The following PGBD5 variants were observed in gnomAD, a reference collection of about 807,000 sequenced individuals.
The protein encoded by PGBD5 is piggyBac transposable element derived 5.
Under a neutral mutation model 47.9 loss-of-function variants are expected in PGBD5, and 14 were observed. The observed-to-expected ratio is 0.29, with a 90% confidence interval of 0.19 to 0.46. The LOEUF (loss-of-function observed/expected upper bound fraction) is 0.46. PGBD5 is among the 20% of genes least tolerant of loss of function. PGBD5 has a pLI of 1.00. For synonymous variants in PGBD5, 316 were observed against 306.3 expected (o/e 1.03, Z -0.33); for missense variants, 635 against 716.0 (o/e 0.89, Z 1.29).
intron 1 of PGBD5, chr1:230,377,528 G>A (rs569242579): frequency 3.4e-5 from 55 of 1,612,698 alleles, no homozygotes; most frequent in African/African-American, 1.3e-4. Flanking sequence ...TGCAGATCCC[G>A]GCCGGGCACT....
At chr1:230,370,491 T>G (rs1399418229) in intron 1 of PGBD5, among the ~76,000 whole-genome samples, 1 of 152,252 alleles carries the variant, frequency 6.6e-6, no homozygotes, top group Admixed American at 6.5e-5. Flanking sequence ...CGTGTTTATG[T>G]GCAGGCTTGT....
intron 4 of PGBD5, among the ~76,000 whole-genome samples, chr1:230,335,879 ACACACAGATGCATACACG>A (rs1267223183): frequency 7.8e-4 from 5 of 6,418 alleles, no homozygotes; most frequent in African/African-American, 1.0e-3. Context: ...GCATACACGG[ACACACAGATGCATACACG>A]GACATACAGA....
At chr1:230,417,754 C>A (rs1215926344) in intron 1 of PGBD5, among the ~76,000 whole-genome samples, 1 of 152,230 alleles carries the variant, frequency 6.6e-6, no homozygotes, top group Admixed American at 6.5e-5. Context: ...ACAGCATTCA[C>A]CAGAGACACT....
In PGBD5 at chr1:230,319,494, T is replaced by A. The variant is rs1033298118; in HGVS notation, c.*3931A>T. On this transcript the variant is annotated 3_prime_UTR_variant, in exon 7 of 7. Transcript: ENST00000391860. ...AGGCTTGCGTAGTTGCAAGGCCCCA[T>A]GGCCCTCCCGGGTTTGCCCTGCTTC... is the stretch of plus-strand genomic sequence containing the variant. The A allele has an allele frequency of 6.6e-6, 1 of 152,096 alleles. No homozygotes were observed. Among genetic ancestry groups the A allele is most frequent in the African/African-American group, 2.4e-5 (1 of 41,418 alleles). The allele number at this position is 152,096 out of a possible 1,614,324, so 9.4% of individuals were successfully genotyped here. A position where few individuals can be genotyped will look rare whatever the true frequency, so the allele number is the denominator to read the frequency against.
intron 4 of PGBD5, among the ~76,000 whole-genome samples, chr1:230,334,389 A>G (rs918883660): frequency 6.6e-6 from 1 of 152,202 alleles, no homozygotes; most frequent in Non-Finnish European, 1.5e-5. Context: ...CTCAATCTAC[A>G]CCACCAGCCA....
chr1:230,417,586 T>C (rs1443122475), intron 1 of PGBD5, among the ~76,000 whole-genome samples: 1 of 152,214 alleles, frequency 6.6e-6, no homozygotes, highest in African/African-American at 2.4e-5. Flanking sequence ...GGCTCTCTTG[T>C]TTGAGACACT....
chr1:230,425,750 G>C lies in PGBD5; in HGVS notation c.179C>G (p.Ser60Trp). 8.2e-7 allele frequency: 1 copy of C among 1,212,478 alleles called. No homozygotes were observed. The highest frequency in any genetic ancestry group is 1.6e-5 in the African/African-American group (1 of 63,454). 75.1% of individuals were successfully genotyped at this position (1,212,478 alleles called of 1,614,324 possible). A position where few individuals can be genotyped will look rare whatever the true frequency, so the allele number is the denominator to read the frequency against. Residue 60 changes from serine (S) to tryptophan (W), a missense_variant, in exon 1 of 7, where the codon TCG becomes TGG. Physicochemically the swap from Ser to Trp is radical, Grantham distance 177. Coordinates refer to ENST00000391860, the MANE Select transcript of PGBD5 (RefSeq NM_001258311.2). The surrounding 1 kb of genome is among the most constrained non-coding windows in gnomAD (Gnocchi z 4.7). ...AASRSSSAASSDDEREPPGPP... is the reference protein window; with the variant it reads ...AASRSSSAASWDDEREPPGPP... ...TCCCGGGGGCTCGCGCTCGTCGTCCGAGGAGGCGGCCGAGGAGGAGCGCGA... is the reference window on the plus strand; with the variant it reads ...TCCCGGGGGCTCGCGCTCGTCGTCCCAGGAGGCGGCCGAGGAGGAGCGCGA...
At chr1:230,327,723 C>A (rs1213688175) in intron 5 of PGBD5, among the ~76,000 whole-genome samples, 3 of 152,266 alleles carry the variant, frequency 2.0e-5, no homozygotes, top group South Asian at 2.1e-4. Flanking sequence ...GCGCACCAGG[C>A]GCCAGGGAGG....
chr1:230,352,310 TC>T (rs919432569), intron 2 of PGBD5, among the ~76,000 whole-genome samples: 2 of 152,132 alleles, frequency 1.3e-5, no homozygotes, highest in African/African-American at 4.8e-5. Context: ...TTTGAACAAA[TC>T]AGTCACCTGA....
chr1:230,417,720 T>C lies in PGBD5; in HGVS notation c.331+7878A>G, dbSNP rs142059108. Among the ~76,000 whole-genome samples, 958 of 152,336 alleles carry C rather than the reference T, an allele frequency of 6.3e-3. 7 individuals carry two copies. The highest frequency in any genetic ancestry group is 0.02 in the Middle Eastern group (6 of 294). Reference sequence around the variant, plus strand: ...GAAGTGAGGCACCTCTGGAATCCCATAGAAATCCATGTTTTCCCTGATCAC... The same window carrying C: ...GAAGTGAGGCACCTCTGGAATCCCACAGAAATCCATGTTTTCCCTGATCAC... On this transcript the variant is annotated intron_variant, in intron 1 of 6. Coordinates refer to ENST00000391860, the MANE Select transcript of PGBD5 (RefSeq NM_001258311.2).
intron 3 of PGBD5, among the ~76,000 whole-genome samples, chr1:230,342,420 C>T (rs1191685645): frequency 1.3e-5 from 2 of 152,178 alleles, no homozygotes; most frequent in Non-Finnish European, 2.9e-5. Flanking sequence ...CTCTAGTGTG[C>T]AAGGAGCTAT....
intron 5 of PGBD5, 133 bp from the exon 6 acceptor site, chr1:230,325,548 A>G (rs1571821433): frequency 1.5e-6 from 1 of 670,786 alleles, no homozygotes; most frequent in East Asian, 2.6e-5. Flanking sequence ...GGGAGGGAAG[A>G]GTTGAAGAAG....
At position 230,357,218 on chromosome 1, in the gene PGBD5, A is replaced by G. The variant is rs1667663591; in HGVS notation, c.435T>C (p.Tyr145=). Residue 145 remains tyrosine (Y), a synonymous_variant, in exon 2 of 7, where the codon TAT becomes TAC. Transcript: ENST00000391860. The surrounding 1 kb of genome is among the most constrained non-coding windows in gnomAD (Gnocchi z 5.7). ...CAAACCGCTCCTGGAACTTCTTGGC[A>G]TACATGTTTGTCTGCACCACCATGT... ...LKNMVVQTNM[Y]AKKFQERFGS... is the part of the protein sequence containing the mutation. 1 of 1,614,108 alleles carries G rather than the reference A, an allele frequency of 6.2e-7. No homozygotes were observed. The highest frequency in any genetic ancestry group is 8.5e-7 in the Non-Finnish European group (1 of 1,180,022).
At chr1:230,338,778 C>T (rs1055845234) in intron 3 of PGBD5, among the ~76,000 whole-genome samples, 3 of 151,576 alleles carry the variant, frequency 2.0e-5, no homozygotes, top group African/African-American at 4.9e-5. Context: ...CCAGCCTAGG[C>T]GACAAGAGCG....
intron 3 of PGBD5, 34 bp from the exon 4 acceptor site, chr1:230,337,322 A>G (rs1667341797): frequency 1.3e-6 from 2 of 1,556,974 alleles, no homozygotes; most frequent in Non-Finnish European, 1.7e-6. Context: ...TAGCGTGCTC[A>G]CAGCAGTGTC....
chr1:230,351,132 G>A (rs1246048539), intron 2 of PGBD5, 40 bp from the exon 3 acceptor site: 1 of 1,588,398 alleles, frequency 6.3e-7, no homozygotes, highest in Admixed American at 1.8e-5. Flanking sequence ...ACGGAAGGCA[G>A]CATGAGCTTG....
rs376829872 is a variant in PGBD5, at chr1:230,415,869, A to G, written c.331+9729T>C. ...CATGTTCCACACTCATTGCTCTAAT[A>G]TGATTCTTCCTAGTCCCTTAATCAA... is the stretch of plus-strand genomic sequence containing the variant. On this transcript the variant is annotated intron_variant, in intron 1 of 6. Coordinates refer to ENST00000391860, the MANE Select transcript of PGBD5 (RefSeq NM_001258311.2). Among the ~76,000 whole-genome samples, 13 of 152,312 alleles carry G rather than the reference A, an allele frequency of 8.5e-5. No individual in the cohort carries two copies. In the East Asian group the frequency reaches 1.9e-3, roughly 23 times the overall value.
rs1426981232 is a variant in PGBD5 at position 230,317,932 on chromosome 1, A to T, written c.*5493T>A. On this transcript the variant is annotated 3_prime_UTR_variant, in exon 7 of 7. Transcript: ENST00000391860. Reference sequence around the variant, plus strand: ...GAGTCTCCTCATTACGACCGTGTATACATGGGTATACACGGAAGGGTGAAG... The same window carrying T: ...GAGTCTCCTCATTACGACCGTGTATTCATGGGTATACACGGAAGGGTGAAG... 1 of 152,222 alleles carries T rather than the reference A, an allele frequency of 6.6e-6. No individual in the cohort carries two copies. Among genetic ancestry groups the T allele is most frequent in the African/African-American group, 2.4e-5 (1 of 41,430 alleles). The allele number at this position is 152,222 out of a possible 1,614,324, so 9.4% of individuals were successfully genotyped here.
intron 1 of PGBD5, among the ~76,000 whole-genome samples, chr1:230,365,667 G>C (rs550396216): frequency 3.3e-5 from 5 of 152,176 alleles, no homozygotes; most frequent in Non-Finnish European, 7.3e-5. Context: ...ATGGAGCAGC[G>C]GAAAATAAAG....
Sources: gnomAD v4.1 joint callset for allele counts (sites outside exome capture counted in the v4.1 genomes callset) on GRCh38, gnomAD v4.1.1 for gene constraint, Gnocchi (gnomAD v3.1) non-coding constraint, MANE v1.5 for transcripts, NCBI Gene and HGNC (gene_info 2026-07-23, HGNC 2026-07-21) for gene names.